AKR1C1: variants seen among roughly 807,000 people sequenced by gnomAD.
AKR1C1 encodes aldo-keto reductase family 1 member C1.
AKR1C1 carries 32 observed loss-of-function variants against 40.6 expected under a neutral mutation model. That is an observed-to-expected ratio of 0.79 (90% CI 0.60 to 1.06). The LOEUF is 1.06. Among genes scored for constraint, AKR1C1 ranks in the 50% least tolerant of loss-of-function variants. AKR1C1 has a pLI of 0.00. For synonymous variants in AKR1C1, 105 were observed against 134.2 expected, an observed-to-expected ratio of 0.78 and a Z score of 1.50; for missense variants, 320 against 363.5, an observed-to-expected ratio of 0.88 and a Z score of 0.97.
At chr10:4,971,081 T>G (rs562537874) in intron 5 of AKR1C1, among the ~76,000 whole-genome samples, 2,812 of 152,106 alleles carry the variant, frequency 0.018, 32 homozygotes, top group Non-Finnish European at 0.028. Context: ...GAAGTCATAT[T>G]CCCATGACAA....
rs1193654760 is a variant in AKR1C1 at position 4,968,809 on chromosome 10, T to G, written c.448-13T>G. ...ATCTTGATCTTCCACACCTCACAAT[T>G]CCTTTTTCCCAGGCCGTGGAGAAGT... On this transcript the variant is annotated splice_polypyrimidine_tract_variant and intron_variant, in intron 4 of 8. Coordinates refer to ENST00000380872, the MANE Select transcript of AKR1C1 (RefSeq NM_001353.6). 3 of 1,613,914 alleles carry G rather than the reference T, an allele frequency of 1.9e-6. No homozygotes were observed. Among genetic ancestry groups the G allele is most frequent in the East Asian group, 4.5e-5 (2 of 44,864 alleles).
At position 4,982,906 on chromosome 10, in the gene AKR1C1, C is replaced by A. The variant is rs1436011225; in HGVS notation, c.*5164C>A. Reference sequence around the variant, plus strand: ...CCCTGACCAGTCAGAGGTCTTGAGTCGGTCCGCATGACAAGTTCACCGCTC... The same window carrying A: ...CCCTGACCAGTCAGAGGTCTTGAGTAGGTCCGCATGACAAGTTCACCGCTC... On this transcript the variant is annotated 3_prime_UTR_variant, in exon 9 of 9. Transcript: ENST00000380872. The A allele has an allele frequency of 2.5e-5, 11 of 444,848 alleles. No individual in the cohort carries two copies. Among genetic ancestry groups the A allele is most frequent in the African/African-American group, 6.0e-5 (3 of 49,852 alleles). The allele number at this position is 444,848 out of a possible 1,614,324, so 27.6% of individuals were successfully genotyped here. A position where few individuals can be genotyped will look rare whatever the true frequency, so the allele number is the denominator to read the frequency against.
At chr10:4,973,905 A>C (rs1490314881) in intron 7 of AKR1C1, among the ~76,000 whole-genome samples, 94 of 75,954 alleles carry the variant, frequency 1.2e-3, no homozygotes, top group Non-Finnish European at 1.6e-3. Context: ...TTATATACAG[A>C]TATATGAAAT....
At chr10:4,967,270 G>C (rs1836348430) in intron 3 of AKR1C1, 1 of 1,051,432 alleles carries the variant, frequency 9.5e-7, no homozygotes, top group Non-Finnish European at 1.2e-6. Flanking sequence ...CAAAGCCTCT[G>C]CCTCAAAAAC....
chr10:4,978,213 G>A lies in AKR1C1; in HGVS notation c.*471G>A, dbSNP rs147740555. ...GCAGGATGGAGTCTAGAGGATGAGC[G>A]ATATTGACTAGCAATTCATGGGCTC... On this transcript the variant is annotated 3_prime_UTR_variant, in exon 9 of 9. Coordinates refer to ENST00000380872, the MANE Select transcript of AKR1C1 (RefSeq NM_001353.6). 0.029 allele frequency: 4,499 copies of A among 152,862 alleles called. 92 individuals are homozygous for A. The highest frequency in any genetic ancestry group is 0.048 in the Non-Finnish European group (3,366 of 70,814). 9.5% of individuals were successfully genotyped at this position (152,862 alleles called of 1,614,324 possible).
intron 1 of AKR1C1, among the ~76,000 whole-genome samples, chr10:4,964,365 A>G (rs1311434783): frequency 1.3e-5 from 2 of 152,204 alleles, no homozygotes; most frequent in Non-Finnish European, 2.9e-5. Flanking sequence ...CATTGACAGG[A>G]GTGGTTTACT....
At chr10:4,977,655 G>A (rs782050856) in intron 8 of AKR1C1, 45 bp from the exon 9 acceptor site, 37 of 1,611,582 alleles carry the variant, frequency 2.3e-5, no homozygotes, top group African/African-American at 9.4e-5. Flanking sequence ...CGCTAGTAAC[G>A]GAGTCATTGC....
chr10:4,973,764 A>G (rs1465859688), intron 7 of AKR1C1, among the ~76,000 whole-genome samples: 1 of 152,152 alleles, frequency 6.6e-6, no homozygotes, highest in African/African-American at 2.4e-5. Flanking sequence ...GTGAAATAAC[A>G]TATTAATAGT....
intron 5 of AKR1C1, among the ~76,000 whole-genome samples, chr10:4,971,535 A>T (rs868957331): frequency 3.5e-4 from 52 of 147,024 alleles, no homozygotes; most frequent in African/African-American, 1.3e-3. Context: ...AATATATATG[A>T]AAGAAGAATG....
chr10:4,972,213 C>G lies in AKR1C1; in HGVS notation c.583C>G (p.Pro195Ala). Residue 195 changes from proline to alanine, a missense_variant, in exon 6 of 9, where the codon CCT becomes GCT. Coordinates refer to ENST00000380872, the MANE Select transcript of AKR1C1 (RefSeq NM_001353.6). ...KPVCNQVECH[P>A]YFNQRKLLDF... ...TGCTCGTCTGCAGGTGGAATGTCAT[C>G]CTTACTTCAACCAGAGAAAACTGCT... 6.2e-7 allele frequency: 1 copy of G among 1,613,620 alleles called. No homozygotes were observed. Among genetic ancestry groups the G allele is most frequent in the South Asian group, 1.1e-5 (1 of 91,046 alleles).
At chr10:4,967,125 T>A (rs780728152) in intron 3 of AKR1C1, 82 bp downstream of exon 3, 2 of 1,402,030 alleles carry the variant, frequency 1.4e-6, no homozygotes, top group Non-Finnish European at 2.0e-6. Context: ...AACTAAGCAT[T>A]TTCTTAGGAG....
intron 5 of AKR1C1, among the ~76,000 whole-genome samples, chr10:4,970,128 G>A (rs1836399941): frequency 6.6e-6 from 1 of 151,940 alleles, no homozygotes; most frequent in South Asian, 2.1e-4. Flanking sequence ...CCTCTTCAAG[G>A]TAAATTGTAA....
rs1425462287 is a variant in AKR1C1 at position 4,979,456 on chromosome 10, T to C, written c.*1714T>C. The stretch of plus-strand genomic sequence containing the variant: ...CTCATGTAAACCATGGCCATCCTGT[T>C]CTACCTTAACTTTCTGAGTCTATGG... On this transcript the variant is annotated 3_prime_UTR_variant, in exon 9 of 9. Coordinates refer to ENST00000380872, the MANE Select transcript of AKR1C1 (RefSeq NM_001353.6). 22 of 152,276 alleles carry C rather than the reference T, an allele frequency of 1.4e-4. No homozygotes were observed. The highest frequency in any genetic ancestry group is 4.8e-4 in the African/African-American group (20 of 41,540). The allele number at this position is 152,276 out of a possible 1,614,324, so 9.4% of individuals were successfully genotyped here.
In AKR1C1 at chr10:4,983,265, T is replaced by C. The variant is rs1296448336; in HGVS notation, c.*5523T>C. ...TTCTAAACATGGAATATGAGTTAAA[T>C]AAATGGCTTCGTATTAAAGCCTGTA... On this transcript the variant is annotated 3_prime_UTR_variant, in exon 9 of 9. Coordinates refer to ENST00000380872, the MANE Select transcript of AKR1C1 (RefSeq NM_001353.6). The C allele has an allele frequency of 5.9e-6, 1 of 169,926 alleles. No homozygotes were observed. Among genetic ancestry groups the C allele is most frequent in the Non-Finnish European group, 1.2e-5 (1 of 80,090 alleles). 10.5% of individuals were successfully genotyped at this position (169,926 alleles called of 1,614,324 possible). A position where few individuals can be genotyped will look rare whatever the true frequency, so the allele number is the denominator to read the frequency against.
In AKR1C1 at chr10:4,963,518, C is replaced by A; in HGVS notation, c.74C>A (p.Ala25Glu). The change falls in exon 1 of 9, where the codon GCG (alanine) becomes GAG (glutamate). Residue 25 changes from alanine to glutamate, a missense_variant. Coordinates refer to ENST00000380872, the MANE Select transcript of AKR1C1 (RefSeq NM_001353.6). ...FMPVLGFGTY[A>E]PAEVPKSKAL... is the part of the protein sequence containing the mutation. ...CCTGTCCTGGGATTTGGCACCTATG[C>A]GCCTGCAGAGGTAACAATAATATTT... 10 of 1,612,434 alleles carry A rather than the reference C, an allele frequency of 6.2e-6. No homozygotes were observed. The highest frequency in any genetic ancestry group is 2.2e-5 in the East Asian group (1 of 44,864).
At chr10:4,968,024 T>C in intron 3 of AKR1C1, 1 of 318,312 alleles carries the variant, frequency 3.1e-6, no homozygotes, top group South Asian at 4.0e-5. Flanking sequence ...ACAGAGAAAA[T>C]TATAGGAGCA....
chr10:4,975,399 A>T (rs1836511689), intron 7 of AKR1C1, among the ~76,000 whole-genome samples: 1 of 152,254 alleles, frequency 6.6e-6, no homozygotes, highest in Non-Finnish European at 1.5e-5. Context: ...GTTAGTATTT[A>T]GACAATTATT....
At chr10:4,964,043 A>T (rs1337250701) in intron 1 of AKR1C1, 1 of 558,822 alleles carries the variant, frequency 1.8e-6, no homozygotes, top group African/African-American at 1.9e-5. Flanking sequence ...TGAAACGATA[A>T]AATATCCTCA....
Position 4,965,960 on chromosome 10 carries a change from C to T in AKR1C1, c.131C>T (p.Ala44Val), listed in dbSNP as rs369850900. 2 of 1,614,190 alleles carry T rather than the reference C, an allele frequency of 1.2e-6. No homozygotes were observed. The highest frequency in any genetic ancestry group is 1.7e-6 in the Non-Finnish European group (2 of 1,180,004). ...GAGGCCACCAAATTGGCAATTGAAG[C>T]TGGCTTCCGCCATATTGATTCTGCT... The part of the protein sequence containing the change: ...ALEATKLAIE[A>V]GFRHIDSAHL... Residue 44 changes from alanine to valine, a missense_variant, in exon 2 of 9, where the codon GCT becomes GTT. Physicochemically the swap from Ala to Val is moderately conservative, Grantham distance 64 (BLOSUM62 0). Coordinates refer to ENST00000380872, the MANE Select transcript of AKR1C1 (RefSeq NM_001353.6).
Sources: gnomAD v4.1 joint callset for allele counts (sites outside exome capture counted in the v4.1 genomes callset) on GRCh38, gnomAD v4.1.1 for gene constraint, MANE v1.5 for transcripts, NCBI Gene and HGNC (gene_info 2026-07-23, HGNC 2026-07-21) for gene names.